Variants in PAPSS2 observed in about 807,000 individuals in gnomAD.
PAPSS2 encodes the protein 3'-phosphoadenosine 5'-phosphosulfate synthase 2, also known as bifunctional 3'-phosphoadenosine 5'-phosphosulfate synthase 2.
Under a neutral mutation model 66.5 loss-of-function variants are expected in PAPSS2, and 61 were observed. The ratio of observed to expected loss-of-function variants is 0.92; its 90% CI spans 0.75 to 1.14. The LOEUF is 1.14. Ranked by LOEUF, PAPSS2 falls within the 50% of genes most tolerant of loss-of-function variation. PAPSS2 has a pLI of 0.00. For synonymous variants in PAPSS2, 289 were observed against 287.5 expected, an observed-to-expected ratio of 1.01 and a Z score of -0.05; for missense variants, 708 against 789.6, an observed-to-expected ratio of 0.90 and a Z score of 1.24.
At chr10:87,687,806 CAATT>C (rs1481123186) in intron 1 of PAPSS2, among the ~76,000 whole-genome samples, 1 of 151,042 alleles carries the variant, frequency 6.6e-6, no homozygotes, top group African/African-American at 2.4e-5. Flanking sequence ...AGTTATGTCT[CAATT>C]AAAAATTTAA....
intron 7 of PAPSS2, among the ~76,000 whole-genome samples, chr10:87,720,742 C>T (rs61855180): frequency 4.6e-5 from 5 of 109,608 alleles, no homozygotes; most frequent in African/African-American, 1.6e-4. Flanking sequence ...AGTCCAAAAG[C>T]CAAAAAAAAA....
At chr10:87,679,375 G>A (rs1167243154) in intron 1 of PAPSS2, among the ~76,000 whole-genome samples, 1 of 152,198 alleles carries the variant, frequency 6.6e-6, no homozygotes, top group Non-Finnish European at 1.5e-5. Context: ...CAGCAGAGCA[G>A]AGTGACTATA....
intron 7 of PAPSS2, among the ~76,000 whole-genome samples, chr10:87,721,278 A>G (rs967605244): frequency 1.3e-5 from 2 of 152,210 alleles, no homozygotes; most frequent in African/African-American, 4.8e-5. Flanking sequence ...TCTGCTGAGC[A>G]TATTTTCATG....
At chr10:87,715,977 T>C (rs1250826280) in intron 7 of PAPSS2, 134 bp downstream of exon 7, 4 of 708,610 alleles carry the variant, frequency 5.6e-6, no homozygotes, top group Non-Finnish European at 1.0e-5. Context: ...TCATTTACAG[T>C]GTGCTCCATT....
At chr10:87,706,866 A>G (rs1362984936) in intron 1 of PAPSS2, among the ~76,000 whole-genome samples, 2 of 152,182 alleles carry the variant, frequency 1.3e-5, no homozygotes, top group African/African-American at 4.8e-5. Flanking sequence ...ATTTGTCCCC[A>G]TTTATGAGCC....
chr10:87,717,545 A>T (rs975566857), intron 7 of PAPSS2, among the ~76,000 whole-genome samples: 1 of 152,116 alleles, frequency 6.6e-6, no homozygotes, highest in Non-Finnish European at 1.5e-5. Flanking sequence ...CTTTTGATAG[A>T]TTCTGTTTTT....
At chr10:87,686,486 T>A (rs1853090718) in intron 1 of PAPSS2, among the ~76,000 whole-genome samples, 1 of 151,990 alleles carries the variant, frequency 6.6e-6, no homozygotes, top group Admixed American at 6.6e-5. Flanking sequence ...ATAGCTCACC[T>A]CACACCCAGT....
At chr10:87,712,900 A>G (rs1853479733) in intron 2 of PAPSS2, among the ~76,000 whole-genome samples, 175 bp from the exon 3 acceptor site, 1 of 151,818 alleles carries the variant, frequency 6.6e-6, no homozygotes, top group African/African-American at 2.4e-5. Context: ...ACAAATAGTT[A>G]TTTCAAAATT....
intron 9 of PAPSS2, among the ~76,000 whole-genome samples, chr10:87,730,276 C>T (rs1042903372): frequency 6.6e-6 from 1 of 152,018 alleles, no homozygotes; most frequent in African/African-American, 2.4e-5. Context: ...CTCCTTACCC[C>T]GATGGGGTAG....
rs888499546 is a variant in PAPSS2, at chr10:87,715,824, C to T, written c.846C>T (p.His282=). 3 of 1,590,060 alleles carry T rather than the reference C, an allele frequency of 1.9e-6. No homozygotes were observed. The highest frequency in any genetic ancestry group is 2.7e-5 in the African/African-American group (2 of 74,398). The change falls in exon 7 of 13, where the codon CAC becomes CAT. Residue 282 remains histidine, a synonymous_variant. Transcript: ENST00000456849. ...AGAAGGAGTACTTACAGGTTATGCA[C>T]TTTGACACCCTGCTAGATGGTATGT... ...MREKEYLQVM[H]FDTLLDGMAL...
At position 87,735,079 on chromosome 10, in the gene PAPSS2, C is replaced by G. The variant is rs188829944; in HGVS notation, c.1087-6156C>G. ...TTGCTACTTCACTGGGCTCCTGAAG[C>G]CTGCTCCCCATTCCTTTTGGCGCAT... On this transcript the variant is annotated intron_variant, in intron 9 of 12. Coordinates refer to ENST00000456849, the MANE Select transcript of PAPSS2 (RefSeq NM_001015880.2). 2.0e-5 allele frequency among the ~76,000 whole-genome samples: 3 copies of G among 152,244 alleles called. No individual in the cohort carries two copies. In the East Asian group the frequency reaches 5.8e-4, roughly 29 times the overall value.
intron 11 of PAPSS2, among the ~76,000 whole-genome samples, chr10:87,744,051 G>A (rs1310209679): frequency 6.6e-6 from 1 of 151,916 alleles, no homozygotes; most frequent in Non-Finnish European, 1.5e-5. Flanking sequence ...GCAGTGAGCC[G>A]AGATCATGCC....
At chr10:87,727,607 A>G in intron 9 of PAPSS2, 118 bp downstream of exon 9, 1 of 866,210 alleles carries the variant, frequency 1.2e-6, no homozygotes, top group Middle Eastern at 3.2e-4. Context: ...GGAAGAATGT[A>G]TTTCTAAGGT....
In PAPSS2 at chr10:87,743,472, A is replaced by G. The variant is rs1389572478; in HGVS notation, c.1322A>G (p.His441Arg). 1.9e-6 allele frequency: 3 copies of G among 1,614,120 alleles called. No individual in the cohort carries two copies. The highest frequency in any genetic ancestry group is 2.2e-5 in the South Asian group (2 of 91,082). The change falls in exon 11 of 13, where the codon CAC (histidine) becomes CGC (arginine). Residue 441 changes from histidine (H) to arginine (R), a missense_variant. By Grantham distance (29) the His-to-Arg change is conservative. Transcript: ENST00000456849. ...RRRLLERGYK[H>R]PVLLLHPLGG... ...AGGCTCCTAGAGAGGGGCTACAAGC[A>G]CCCGGTCCTCCTACTACACCCTCTG...
intron 1 of PAPSS2, among the ~76,000 whole-genome samples, chr10:87,664,519 G>T (rs144965912): frequency 6.6e-6 from 1 of 152,126 alleles, no homozygotes; most frequent in Non-Finnish European, 1.5e-5. Context: ...ACTTTGGTGC[G>T]GTTAAAAGAT....
chr10:87,690,620 G>A (rs537709738), intron 1 of PAPSS2, among the ~76,000 whole-genome samples: 1 of 152,264 alleles, frequency 6.6e-6, no homozygotes, highest in East Asian at 1.9e-4. Context: ...GGATATCTGG[G>A]GGAATTTCAG....
chr10:87,718,951 G>T (rs1409089242), intron 7 of PAPSS2, among the ~76,000 whole-genome samples: 1 of 152,086 alleles, frequency 6.6e-6, no homozygotes, highest in Non-Finnish European at 1.5e-5. Context: ...CAAGCTGCAG[G>T]ACCTGTGTCT....
chr10:87,725,042 T>A (rs1178144808), intron 8 of PAPSS2, among the ~76,000 whole-genome samples: 1 of 152,072 alleles, frequency 6.6e-6, no homozygotes, highest in East Asian at 1.9e-4. Context: ...GAGTCTTTTG[T>A]CTAATTAGGC....
chr10:87,712,808 C>T (rs974408601), intron 2 of PAPSS2, among the ~76,000 whole-genome samples: 2 of 152,074 alleles, frequency 1.3e-5, no homozygotes. Flanking sequence ...CCAAACAGAA[C>T]ACATCGAGGA....
Sources: allele counts gnomAD v4.1 joint callset (sites outside exome capture counted in the v4.1 genomes callset), GRCh38; gene constraint gnomAD v4.1.1; transcripts MANE v1.5; gene names NCBI Gene and HGNC (gene_info 2026-07-23, HGNC 2026-07-21).